TMEM169: variants seen among roughly 807,000 people sequenced by gnomAD.
The protein encoded by TMEM169 is transmembrane protein 169.
A neutral mutation model predicts 27.3 loss-of-function variants in TMEM169; 18 were observed. The ratio of observed to expected loss-of-function variants is 0.66; its 90% CI spans 0.46 to 0.98. The LOEUF is 0.98. Ranked by LOEUF, TMEM169 falls within the 50% of genes least tolerant of loss-of-function variation. The pLI is 0.00. For missense variants in TMEM169, 320 were observed against 368.6 expected (o/e 0.87, Z 1.08); for synonymous variants, 136 against 142.1 (o/e 0.96, Z 0.30).
chr2:216,094,193 C>T lies in TMEM169; in HGVS notation c.-126-1645C>T, dbSNP rs139201772. On this transcript the variant is annotated intron_variant, in intron 1 of 2. Transcript: ENST00000437356. ...TACAGCCTCGAGGAGTGTGGGGCGG[C>T]AGGGTTGTGAGTAGAAGCTTGCGAT... 2.4e-3 allele frequency among the ~76,000 whole-genome samples: 371 copies of T among 152,162 alleles called. 2 individuals carry two copies. The highest frequency in any genetic ancestry group is 4.4e-3 in the South Asian group (21 of 4,814).
At position 216,100,052 on chromosome 2, in the gene TMEM169, C is replaced by CCT; in HGVS notation, c.404_405insCT (p.Lys136LeufsTer31). The CCT allele has an allele frequency of 2.5e-6, 4 of 1,614,172 alleles. No individual in the cohort carries two copies. The highest frequency in any genetic ancestry group is 3.4e-6 in the Non-Finnish European group (4 of 1,180,030). On this transcript the variant is annotated frameshift_variant, in exon 3 of 3. Transcript: ENST00000437356. LOFTEE classifies it high-confidence loss of function. ...AAAGAGCTGCAGGAACTGACCAAAC[C>CCT]TAAAGAGTCATCAAGGGAAACGACG...
rs1696350221 is a variant in TMEM169 at position 216,100,022 on chromosome 2, CAG to C, written c.378_379del (p.Lys127ArgfsTer9). 1 of 1,614,144 alleles carries C rather than the reference CAG, an allele frequency of 6.2e-7. No individual in the cohort carries two copies. On this transcript the variant is annotated frameshift_variant, in exon 3 of 3. Coordinates refer to ENST00000437356, the MANE Select transcript of TMEM169 (RefSeq NM_001142311.2). LOFTEE classifies it high-confidence loss of function. The stretch of plus-strand genomic sequence containing the variant: ...ATGGTGGACATCCATGTCACATTGA[CAG>C]AGAAAGAGCTGCAGGAACTGACCAA...
chr2:216,085,972 T>C (rs1202669985), intron 1 of TMEM169, among the ~76,000 whole-genome samples: 1 of 152,148 alleles, frequency 6.6e-6, no homozygotes, highest in African/African-American at 2.4e-5. Flanking sequence ...AGTATGAGCA[T>C]GTTCTTAAAA....
intron 1 of TMEM169, among the ~76,000 whole-genome samples, chr2:216,087,380 A>C (rs1321836746): frequency 6.6e-6 from 1 of 152,206 alleles, no homozygotes; most frequent in Non-Finnish European, 1.5e-5. Flanking sequence ...GTTTAGAGGA[A>C]GTAGTATGAA....
intron 1 of TMEM169, among the ~76,000 whole-genome samples, chr2:216,094,899 C>T (rs191208179): frequency 1.3e-3 from 204 of 152,268 alleles, no homozygotes; most frequent in Non-Finnish European, 2.5e-3. Context: ...TAGGACACAT[C>T]CCAGTAACTT....
At chr2:216,087,876 T>C (rs991872149) in intron 1 of TMEM169, among the ~76,000 whole-genome samples, 2 of 152,184 alleles carry the variant, frequency 1.3e-5, no homozygotes, top group Non-Finnish European at 2.9e-5. Flanking sequence ...TTGTTGTACC[T>C]AGGCTGGTAT....
At chr2:216,093,075 T>C (rs1696172459) in intron 1 of TMEM169, among the ~76,000 whole-genome samples, 1 of 151,988 alleles carries the variant, frequency 6.6e-6, no homozygotes, top group East Asian at 1.9e-4. Flanking sequence ...TATAAGTACA[T>C]ATATAGATAT....
intron 1 of TMEM169, among the ~76,000 whole-genome samples, chr2:216,087,072 G>A (rs770319342): frequency 6.6e-5 from 10 of 152,246 alleles, no homozygotes; most frequent in Non-Finnish European, 1.0e-4. Context: ...GGACGTGAGC[G>A]AATGAGTCTG....
In TMEM169 at chr2:216,102,072, AT is replaced by A. The variant is rs1280668159; in HGVS notation, c.*1531del. 1 of 152,196 alleles carries A rather than the reference AT, an allele frequency of 6.6e-6. No homozygotes were observed. The highest frequency in any genetic ancestry group is 2.4e-5 in the African/African-American group (1 of 41,446). The allele number at this position is 152,196 out of a possible 1,614,324, so 9.4% of individuals were successfully genotyped here. On this transcript the variant is annotated 3_prime_UTR_variant, in exon 3 of 3. Transcript: ENST00000437356. ...GGAGAGTACAATTTATAATAGTAGC[AT>A]AACTCTTTGTCCTGGTGGTGGAGGT...
At chr2:216,090,362 G>A (rs1028629959) in intron 1 of TMEM169, among the ~76,000 whole-genome samples, 1 of 152,200 alleles carries the variant, frequency 6.6e-6, no homozygotes, top group Non-Finnish European at 1.5e-5. Flanking sequence ...TGCTGGGGAA[G>A]GCCAGCCACT....
chr2:216,096,511 T>C (rs573727011), intron 2 of TMEM169, among the ~76,000 whole-genome samples: 14 of 152,272 alleles, frequency 9.2e-5, no homozygotes, highest in African/African-American at 2.9e-4. Context: ...ACTACAGGCA[T>C]GTGCCACCAT....
chr2:216,094,872 G>C (rs945862646), intron 1 of TMEM169, among the ~76,000 whole-genome samples: 1 of 152,128 alleles, frequency 6.6e-6, no homozygotes, highest in Non-Finnish European at 1.5e-5. Flanking sequence ...CCTCTCCACC[G>C]CTCTTGCAGC....
At chr2:216,084,190 T>A (rs113996230) in intron 1 of TMEM169, among the ~76,000 whole-genome samples, 84 of 123,098 alleles carry the variant, frequency 6.8e-4, no homozygotes, top group African/African-American at 2.6e-3. Flanking sequence ...CCCATCTGCC[T>A]GGTAACTTTA....
chr2:216,100,062 A>T lies in TMEM169; in HGVS notation c.414A>T (p.Ser138=). The change falls in exon 3 of 3, where the codon TCA becomes TCT. Residue 138 remains serine, a synonymous_variant. Transcript: ENST00000437356. ...ELQELTKPKE[S]SRETTPEGRM... ...AGGAACTGACCAAACCTAAAGAGTC[A>T]TCAAGGGAAACGACGCCTGAAGGAA... 6.2e-7 allele frequency: 1 copy of T among 1,614,208 alleles called. No individual in the cohort carries two copies. The highest frequency in any genetic ancestry group is 8.5e-7 in the Non-Finnish European group (1 of 1,180,022).
chr2:216,089,317 A>G (rs958975100), intron 1 of TMEM169, among the ~76,000 whole-genome samples: 1 of 152,232 alleles, frequency 6.6e-6, no homozygotes, highest in Non-Finnish European at 1.5e-5. Flanking sequence ...TCTCACCAAA[A>G]TGAGTGGATC....
At chr2:216,095,111 T>TTC (rs2105985658) in intron 1 of TMEM169, among the ~76,000 whole-genome samples, 1 of 135,384 alleles carries the variant, frequency 7.4e-6, no homozygotes, top group South Asian at 2.3e-4. Context: ...TTTTCTTTCT[T>TTC]TTTTTTTTTT....
In TMEM169 at chr2:216,101,962, A is replaced by G. The variant is rs945179780; in HGVS notation, c.*1420A>G. 1 of 152,224 alleles carries G rather than the reference A, an allele frequency of 6.6e-6. No individual in the cohort carries two copies. Among genetic ancestry groups the G allele is most frequent in the African/African-American group, 2.4e-5 (1 of 41,444 alleles). The allele number at this position is 152,224 out of a possible 1,614,324, so 9.4% of individuals were successfully genotyped here. A position where few individuals can be genotyped will look rare whatever the true frequency, so the allele number is the denominator to read the frequency against. On this transcript the variant is annotated 3_prime_UTR_variant, in exon 3 of 3. Coordinates refer to ENST00000437356, the MANE Select transcript of TMEM169 (RefSeq NM_001142311.2). ...TAGCTACATATACTTTGAATATGCT[A>G]TACATCGATATTAGCACCTCACGTA...
In TMEM169 at chr2:216,083,857, A is replaced by G. The variant is rs149371057; in HGVS notation, c.-127+1878A>G. On this transcript the variant is annotated intron_variant, in intron 1 of 2. Transcript: ENST00000437356. ...CCTCTGACCTCTGTCAGGGTTTGAAAGTCCACTAATCCGCTAAGTTCCAGG... is the reference window on the plus strand; with the variant it reads ...CCTCTGACCTCTGTCAGGGTTTGAAGGTCCACTAATCCGCTAAGTTCCAGG... 6.1e-3 allele frequency among the ~76,000 whole-genome samples: 922 copies of G among 152,316 alleles called. 11 individuals carry two copies. The highest frequency in any genetic ancestry group is 0.021 in the African/African-American group (854 of 41,562).
intron 1 of TMEM169, among the ~76,000 whole-genome samples, chr2:216,091,946 G>C: frequency 6.6e-6 from 1 of 152,298 alleles, no homozygotes; most frequent in East Asian, 1.9e-4. Context: ...AGGAAATCAT[G>C]TTTCAAGGTA....
Sources: gnomAD v4.1 joint callset for allele counts (sites outside exome capture counted in the v4.1 genomes callset) on GRCh38, gnomAD v4.1.1 for gene constraint, MANE v1.5 for transcripts, NCBI Gene and HGNC (gene_info 2026-07-23, HGNC 2026-07-21) for gene names.